Variants in NEUROD2 observed in about 807,000 individuals in gnomAD.
The protein encoded by NEUROD2 is neuronal differentiation 2, also known as neurogenic differentiation factor 2.
A neutral mutation model predicts 9.3 loss-of-function variants in NEUROD2; 5 were observed. The ratio of observed to expected loss-of-function variants is 0.54; its 90% CI spans 0.28 to 1.13. The LOEUF is 1.13. NEUROD2 is among the 50% of genes most tolerant of loss of function. The pLI, the probability that NEUROD2 is intolerant of heterozygous loss-of-function variation, is 0.10. For synonymous variants in NEUROD2, 277 were observed against 257.3 expected (o/e 1.08, Z -0.73); for missense variants, 376 against 549.2 (o/e 0.68, Z 3.15).
At position 39,606,470 on chromosome 17, in the gene NEUROD2, G is replaced by T. The variant is rs1391280742; in HGVS notation, c.130C>A (p.Pro44Thr). ...GDAPPPPPPA[P>T]GPGAPGPARA... ...GCTGGCCCCGGAGCCCCTGGCCCGG[G>T]CGCAGGCGGTGGCGGTGGCGGCGCG... Residue 44 changes from proline (P) to threonine (T), a missense_variant, in exon 2 of 2, where the codon CCC becomes ACC. Pro to Thr is a conservative substitution (Grantham distance 38). Coordinates refer to ENST00000302584, the MANE Select transcript of NEUROD2 (RefSeq NM_006160.4). This position sits in a 1 kb window ranked among gnomAD's most constrained non-coding sequence, Gnocchi z 7.8. 2.0e-6 allele frequency: 3 copies of T among 1,534,506 alleles called. No individual in the cohort carries two copies. Among genetic ancestry groups the T allele is most frequent in the East Asian group, 2.4e-5 (1 of 40,826 alleles).
In NEUROD2 at chr17:39,606,368, C is replaced by A; in HGVS notation, c.232G>T (p.Glu78Ter). The A allele has an allele frequency of 6.4e-7, 1 of 1,567,304 alleles. No homozygotes were observed. The highest frequency in any genetic ancestry group is 8.6e-7 in the Non-Finnish European group (1 of 1,159,050). ...ATLAEVKEEGELGGEEEEEEE... is the reference protein window; with the variant it reads ...ATLAEVKEEG Reference sequence around the variant, plus strand: ...TCCTCCTCCTCCTCTCCCCCCAGCTCGCCTTCCTCCTTGACCTCGGCCAAC... The same window carrying A: ...TCCTCCTCCTCCTCTCCCCCCAGCTAGCCTTCCTCCTTGACCTCGGCCAAC... The change falls in exon 2 of 2, where the codon GAG becomes TAG. Residue 78 changes from glutamate (E) to a stop codon, truncating the protein, a stop_gained. Coordinates refer to ENST00000302584, the MANE Select transcript of NEUROD2 (RefSeq NM_006160.4). LOFTEE classifies it high-confidence loss of function. The surrounding 1 kb of genome is among the most constrained non-coding windows in gnomAD (Gnocchi z 7.8).
chr17:39,607,514 C>G, intron 1 of NEUROD2: 1 of 706,106 alleles, frequency 1.4e-6, no homozygotes, highest in Non-Finnish European at 1.7e-6. Flanking sequence ...TGCCTTCCCC[C>G]CCCACCGAGC....
Position 39,606,673 on chromosome 17 carries a change from C to T in NEUROD2, c.-5-69G>A. The stretch of plus-strand genomic sequence containing the variant: ...AGTGAGGGGCGCGCTGGGGTACCGA[C>T]GCCCCCCCACAACCCTCCTCCACCC... On this transcript the variant is annotated intron_variant, in intron 1 of 1. Transcript: ENST00000302584. The surrounding 1 kb of genome is among the most constrained non-coding windows in gnomAD (Gnocchi z 7.8). The T allele has an allele frequency of 1.4e-6, 2 of 1,407,728 alleles. No individual in the cohort carries two copies. The highest frequency in any genetic ancestry group is 1.9e-6 in the Non-Finnish European group (2 of 1,073,942). The allele number at this position is 1,407,728 out of a possible 1,614,324, so 87.2% of individuals were successfully genotyped here.
Position 39,605,188 on chromosome 17 carries a change from G to T in NEUROD2, c.*263C>A, listed in dbSNP as rs2056762165. 2 of 372,078 alleles carry T rather than the reference G, an allele frequency of 5.4e-6. No individual in the cohort carries two copies. Among genetic ancestry groups the T allele is most frequent in the Non-Finnish European group, 4.8e-6 (1 of 208,472 alleles). 23.0% of individuals were successfully genotyped at this position (372,078 alleles called of 1,614,324 possible). A position where few individuals can be genotyped will look rare whatever the true frequency, so the allele number is the denominator to read the frequency against. On this transcript the variant is annotated 3_prime_UTR_variant, in exon 2 of 2. Transcript: ENST00000302584. This position sits in a 1 kb window ranked among gnomAD's most constrained non-coding sequence, Gnocchi z 6.8. Reference sequence around the variant, plus strand: ...TGCCTCCAGGGAGCCCCCGGAGAGAGGTCCCTGGAGAAGCACTCCTTGGGA... The same window carrying T: ...TGCCTCCAGGGAGCCCCCGGAGAGATGTCCCTGGAGAAGCACTCCTTGGGA...
rs536382313 is a variant in NEUROD2, at chr17:39,605,284, G to A, written c.*167C>T. On this transcript the variant is annotated 3_prime_UTR_variant, in exon 2 of 2. Transcript: ENST00000302584. The surrounding 1 kb of genome is among the most constrained non-coding windows in gnomAD (Gnocchi z 6.8). Reference sequence around the variant, plus strand: ...GGGGGAAGCGAGGCCCCTGGGACAGGCCACCCACAGGTAACAGGACTGCGC... The same window carrying A: ...GGGGGAAGCGAGGCCCCTGGGACAGACCACCCACAGGTAACAGGACTGCGC... 1.5e-5 allele frequency: 13 copies of A among 887,752 alleles called. No homozygotes were observed. In the African/African-American group the frequency reaches 1.7e-4, roughly 12 times the overall value. 55.0% of individuals were successfully genotyped at this position (887,752 alleles called of 1,614,324 possible).
At position 39,603,877 on chromosome 17, in the gene NEUROD2, G is replaced by A. The variant is rs950458351; in HGVS notation, c.*1574C>T. On this transcript the variant is annotated 3_prime_UTR_variant, in exon 2 of 2. Transcript: ENST00000302584. ...CGGGAGTTTCATCTTCGCTACAAGA[G>A]GAAGGTAAAATTGCGTGTGTGTGGG... The A allele has an allele frequency of 3.9e-5, 6 of 152,794 alleles. No homozygotes were observed. The highest frequency in any genetic ancestry group is 1.4e-4 in the African/African-American group (6 of 41,446). The allele number at this position is 152,794 out of a possible 1,614,324, so 9.5% of individuals were successfully genotyped here. A position where few individuals can be genotyped will look rare whatever the true frequency, so the allele number is the denominator to read the frequency against.
At position 39,605,725 on chromosome 17, in the gene NEUROD2, C is replaced by A; in HGVS notation, c.875G>T (p.Ser292Ile). The A allele has an allele frequency of 6.4e-7, 1 of 1,553,300 alleles. No individual in the cohort carries two copies. Among genetic ancestry groups the A allele is most frequent in the Non-Finnish European group, 8.7e-7 (1 of 1,150,396 alleles). Residue 292 changes from serine (S) to isoleucine (I), a missense_variant, in exon 2 of 2, where the codon AGC becomes ATC. Ser to Ile is a moderately radical substitution (Grantham distance 142, BLOSUM62 -2). Coordinates refer to ENST00000302584, the MANE Select transcript of NEUROD2 (RefSeq NM_006160.4). This position sits in a 1 kb window ranked among gnomAD's most constrained non-coding sequence, Gnocchi z 6.8. ...GGGGASPDYNSSEYEGPLSPP... is the reference protein window; with the variant it reads ...GGGGASPDYNISEYEGPLSPP... ...GCTGAGCGGGCCCTCGTACTCGGAG[C>A]TGTTGTAGTCCGGGCTCGCGCCGCC...
In NEUROD2 at chr17:39,606,578, C is replaced by T. The variant is rs1249703497; in HGVS notation, c.22G>A (p.Glu8Lys). MLTRLFS[E>K]PGLLSDVPKF... Reference sequence around the variant, plus strand: ...GGCACGTCCGAGAGAAGGCCGGGCTCGCTGAACAGGCGGGTCAGCATGGTG... The same window carrying T: ...GGCACGTCCGAGAGAAGGCCGGGCTTGCTGAACAGGCGGGTCAGCATGGTG... The change falls in exon 2 of 2, where the codon GAG (glutamate) becomes AAG (lysine). Residue 8 changes from glutamate to lysine, a missense_variant. Physicochemically the swap from Glu to Lys is moderately conservative, Grantham distance 56. Transcript: ENST00000302584. The surrounding 1 kb of genome is among the most constrained non-coding windows in gnomAD (Gnocchi z 7.8). 3 of 1,583,192 alleles carry T rather than the reference C, an allele frequency of 1.9e-6. No homozygotes were observed. The highest frequency in any genetic ancestry group is 2.6e-6 in the Non-Finnish European group (3 of 1,174,882).
chr17:39,606,617 C>A lies in NEUROD2; in HGVS notation c.-5-13G>T. The stretch of plus-strand genomic sequence containing the variant: ...GTCAGCATGGTGCCTGAGGGCGCCC[C>A]GCGGGCGGGAAGGGGAGACAGACAG... On this transcript the variant is annotated splice_polypyrimidine_tract_variant and intron_variant, in intron 1 of 1. Coordinates refer to ENST00000302584, the MANE Select transcript of NEUROD2 (RefSeq NM_006160.4). The surrounding 1 kb of genome is among the most constrained non-coding windows in gnomAD (Gnocchi z 7.8). 6.5e-7 allele frequency: 1 copy of A among 1,533,142 alleles called. No homozygotes were observed. The allele number at this position is 1,533,142 out of a possible 1,614,324, so 95.0% of individuals were successfully genotyped here.
chr17:39,606,484 G>T lies in NEUROD2; in HGVS notation c.116C>A (p.Pro39Gln). The T allele has an allele frequency of 6.5e-7, 1 of 1,538,698 alleles. No homozygotes were observed. Among genetic ancestry groups the T allele is most frequent in the Non-Finnish European group, 8.7e-7 (1 of 1,148,774 alleles). ...CCCTGGCCCGGGCGCAGGCGGTGGC[G>T]GTGGCGGCGCGTCGCCCTTGTCGCT... ...PRSDKGDAPPPPPPAPGPGAP... is the reference protein window; with the variant it reads ...PRSDKGDAPPQPPPAPGPGAP... The change falls in exon 2 of 2, where the codon CCG becomes CAG. Residue 39 changes from proline (P) to glutamine (Q), a missense_variant. This residue lies in a region of NEUROD2 where 134 missense variants were observed against 133.6 expected (regional missense o/e 1.00). Transcript: ENST00000302584. The surrounding 1 kb of genome is among the most constrained non-coding windows in gnomAD (Gnocchi z 7.8).
chr17:39,605,290 C>G lies in NEUROD2; in HGVS notation c.*161G>C. On this transcript the variant is annotated 3_prime_UTR_variant, in exon 2 of 2. Transcript: ENST00000302584. The surrounding 1 kb of genome is among the most constrained non-coding windows in gnomAD (Gnocchi z 6.8). ...AGCGAGGCCCCTGGGACAGGCCACC[C>G]ACAGGTAACAGGACTGCGCTGCCCC... The G allele has an allele frequency of 1.0e-6, 1 of 955,644 alleles. No homozygotes were observed. Among genetic ancestry groups the G allele is most frequent in the Non-Finnish European group, 1.5e-6 (1 of 670,374 alleles). 59.2% of individuals were successfully genotyped at this position (955,644 alleles called of 1,614,324 possible). A position where few individuals can be genotyped will look rare whatever the true frequency, so the allele number is the denominator to read the frequency against.
At position 39,605,874 on chromosome 17, in the gene NEUROD2, C is replaced by G; in HGVS notation, c.726G>C (p.Pro242=). The change falls in exon 2 of 2, where the codon CCG becomes CCC. Residue 242 remains proline (P), a synonymous_variant. Coordinates refer to ENST00000302584, the MANE Select transcript of NEUROD2 (RefSeq NM_006160.4). This position sits in a 1 kb window ranked among gnomAD's most constrained non-coding sequence, Gnocchi z 6.8. ...GPFAMHPYPY[P]CSRLAGAQCQ... is the part of the protein sequence containing the mutation. ...ACTGTGCGCCCGCCAGGCGCGAGCACGGGTACGGGTAGGGGTGCATGGCGA... is the reference window on the plus strand; with the variant it reads ...ACTGTGCGCCCGCCAGGCGCGAGCAGGGGTACGGGTAGGGGTGCATGGCGA... 6.4e-7 allele frequency: 1 copy of G among 1,557,918 alleles called. No homozygotes were observed.
At position 39,606,262 on chromosome 17, in the gene NEUROD2, T is replaced by C. The variant is rs772506539; in HGVS notation, c.338A>G (p.Lys113Arg). Reference sequence around the variant, plus strand: ...AAGCTTGGAGCGCTCCAAGCGCGCCTTGGTCATCTTGCGCTTCTTGGGCCC... The same window carrying C: ...AAGCTTGGAGCGCTCCAAGCGCGCCCTGGTCATCTTGCGCTTCTTGGGCCC... ...KRGPKKRKMT[K>R]ARLERSKLRR... Residue 113 changes from lysine to arginine, a missense_variant, in exon 2 of 2, where the codon AAG (lysine) becomes AGG (arginine). By Grantham distance (26) the Lys-to-Arg change is conservative. Transcript: ENST00000302584. The surrounding 1 kb of genome is among the most constrained non-coding windows in gnomAD (Gnocchi z 7.8). 6 of 1,610,366 alleles carry C rather than the reference T, an allele frequency of 3.7e-6. No homozygotes were observed. The highest frequency in any genetic ancestry group is 5.1e-6 in the Non-Finnish European group (6 of 1,179,628).
At chr17:39,607,608 C>A in intron 1 of NEUROD2, 120 bp downstream of exon 1, 2 of 985,166 alleles carry the variant, frequency 2.0e-6, no homozygotes, top group Non-Finnish European at 2.4e-6. Context: ...CTCCGATGCC[C>A]ACCCAATGAG....
Position 39,605,384 on chromosome 17 carries a change from G to T in NEUROD2, c.*67C>A, listed in dbSNP as rs541303698. ...CGGGGTAGGATGGGGGTGTCCCTGCGCTCTGGGGGCTGGGGACAGGGGGGC... is the reference window on the plus strand; with the variant it reads ...CGGGGTAGGATGGGGGTGTCCCTGCTCTCTGGGGGCTGGGGACAGGGGGGC... On this transcript the variant is annotated 3_prime_UTR_variant, in exon 2 of 2. Coordinates refer to ENST00000302584, the MANE Select transcript of NEUROD2 (RefSeq NM_006160.4). This position sits in a 1 kb window ranked among gnomAD's most constrained non-coding sequence, Gnocchi z 6.8. 4.8e-6 allele frequency: 7 copies of T among 1,461,880 alleles called. No homozygotes were observed. The African/African-American group carries it at 8.5e-5, about 18-fold the overall frequency. The allele number at this position is 1,461,880 out of a possible 1,614,324, so 90.6% of individuals were successfully genotyped here.
intron 1 of NEUROD2, chr17:39,607,452 C>G (rs2056774028): frequency 4.0e-6 from 1 of 252,294 alleles, no homozygotes; most frequent in Admixed American, 6.5e-5. Context: ...TTTGGGACAA[C>G]CATGGAGGGG....
rs1597765883 is a variant in NEUROD2 at position 39,605,162 on chromosome 17, G to A, written c.*289C>T. On this transcript the variant is annotated 3_prime_UTR_variant, in exon 2 of 2. Transcript: ENST00000302584. This position sits in a 1 kb window ranked among gnomAD's most constrained non-coding sequence, Gnocchi z 6.8. The stretch of plus-strand genomic sequence containing the variant: ...CGAAGATATTGGGAATGGGGGAGGG[G>A]TGCCTCCAGGGAGCCCCCGGAGAGA... 3.1e-6 allele frequency: 1 copy of A among 317,808 alleles called. No homozygotes were observed. The highest frequency in any genetic ancestry group is 5.7e-6 in the Non-Finnish European group (1 of 174,044). The allele number at this position is 317,808 out of a possible 1,614,324, so 19.7% of individuals were successfully genotyped here.
chr17:39,606,688 C>G lies in NEUROD2; in HGVS notation c.-5-84G>C. 5 of 1,342,148 alleles carry G rather than the reference C, an allele frequency of 3.7e-6. No individual in the cohort carries two copies. Among genetic ancestry groups the G allele is most frequent in the Non-Finnish European group, 3.9e-6 (4 of 1,023,060 alleles). The allele number at this position is 1,342,148 out of a possible 1,614,324, so 83.1% of individuals were successfully genotyped here. ...GGGGTACCGACGCCCCCCCACAACC[C>G]TCCTCCACCCCCGAGTCTCGTGCGG... On this transcript the variant is annotated intron_variant, in intron 1 of 1. Coordinates refer to ENST00000302584, the MANE Select transcript of NEUROD2 (RefSeq NM_006160.4). This position sits in a 1 kb window ranked among gnomAD's most constrained non-coding sequence, Gnocchi z 7.8.
rs199955832 is a variant in NEUROD2, at chr17:39,605,584, C to T, written c.1016G>A (p.Gly339Asp). 8 of 1,613,746 alleles carry T rather than the reference C, an allele frequency of 5.0e-6. No homozygotes were observed. Among genetic ancestry groups the T allele is most frequent in the Non-Finnish European group, 6.8e-6 (8 of 1,179,858 alleles). ...CGACGAGCCGAAGACTAGCCCGTGG[C>T]CCGTGGGCCGCGAACCGGGCAGCGC... ...YSALPGSRPT[G>D]HGLVFGSSAV... Residue 339 changes from glycine (G) to aspartate (D), a missense_variant, in exon 2 of 2, where the codon GGC becomes GAC. By Grantham distance (94) the Gly-to-Asp change is moderately conservative. Transcript: ENST00000302584. The surrounding 1 kb of genome is among the most constrained non-coding windows in gnomAD (Gnocchi z 6.8).
Sources: allele counts gnomAD v4.1 joint callset, GRCh38; gene constraint gnomAD v4.1.1; regional missense constraint gnomAD v4.1.1; non-coding constraint Gnocchi (gnomAD v3.1); transcripts MANE v1.5; gene names NCBI Gene and HGNC (gene_info 2026-07-23, HGNC 2026-07-21).